GHR: variants seen among roughly 807,000 people sequenced by gnomAD.
GHR encodes growth hormone receptor.
Under a neutral mutation model 67.1 loss-of-function variants are expected in GHR, and 35 were observed. The observed-to-expected ratio is 0.52, with a 90% CI of 0.40 to 0.69. The LOEUF is 0.69. Ranked by LOEUF, GHR falls within the 30% of genes least tolerant of loss-of-function variation. The pLI, the probability that GHR is intolerant of heterozygous loss-of-function variation, is 0.00. For missense variants in GHR, 792 were observed against 764.6 expected (o/e 1.04, Z -0.42); for synonymous variants, 272 against 269.1 (o/e 1.01, Z -0.10).
At chr5:42,596,957 A>G (rs898463431) in intron 2 of GHR, among the ~76,000 whole-genome samples, 1 of 152,218 alleles carries the variant, frequency 6.6e-6, no homozygotes, top group Non-Finnish European at 1.5e-5. Context: ...GAGGCTAGCC[A>G]GTGACATCAC....
rs33916966 is a variant in GHR at position 42,695,515 on chromosome 5, G to C, written c.439+426G>C. Reference sequence around the variant, plus strand: ...CTACCATTGCTGTAATCAAAGCCTAGATTTTCTTTATCACAAAGCATAATC... The same window carrying C: ...CTACCATTGCTGTAATCAAAGCCTACATTTTCTTTATCACAAAGCATAATC... On this transcript the variant is annotated intron_variant, in intron 5 of 9. Transcript: ENST00000230882. Among the ~76,000 whole-genome samples, 319 of 152,226 alleles carry C rather than the reference G, an allele frequency of 2.1e-3. 2 individuals carry two copies. Among genetic ancestry groups the C allele is most frequent in the African/African-American group, 7.3e-3 (302 of 41,526 alleles).
At chr5:42,560,175 A>G (rs1476400649) in intron 1 of GHR, among the ~76,000 whole-genome samples, 2 of 152,142 alleles carry the variant, frequency 1.3e-5, no homozygotes, top group Non-Finnish European at 2.9e-5. Flanking sequence ...TGAGCATATT[A>G]TTCCCTGTGT....
intron 1 of GHR, among the ~76,000 whole-genome samples, chr5:42,431,974 T>C (rs552412759): frequency 6.6e-6 from 1 of 152,318 alleles, no homozygotes; most frequent in African/African-American, 2.4e-5. Flanking sequence ...AATTCCCTGA[T>C]AGGGAACTGG....
In GHR at chr5:42,671,363, C is replaced by A. The variant is rs893169093; in HGVS notation, c.137-17527C>A. On this transcript the variant is annotated intron_variant, in intron 3 of 9. Coordinates refer to ENST00000230882, the MANE Select transcript of GHR (RefSeq NM_000163.5). ...TCTCACAAGTACTCACTCACTACTGCAAGGACAGCACCAAGCCATAAGGGC... is the reference window on the plus strand; with the variant it reads ...TCTCACAAGTACTCACTCACTACTGAAAGGACAGCACCAAGCCATAAGGGC... Among the ~76,000 whole-genome samples the A allele has an allele frequency of 1.6e-4, 24 of 152,000 alleles. 1 individual carries two copies. Among genetic ancestry groups the A allele is most frequent in the African/African-American group, 5.8e-4 (24 of 41,378 alleles).
intron 8 of GHR, chr5:42,715,160 C>CTTTATTGTTTAGT (rs1758659204): frequency 3.6e-6 from 1 of 279,256 alleles, no homozygotes; most frequent in Non-Finnish European, 7.5e-6. Flanking sequence ...TTATTGTTCT[C>CTTTATTGTTTAGT]CCAAATTTCC....
chr5:42,559,307 G>A (rs912204042), intron 1 of GHR, among the ~76,000 whole-genome samples: 6 of 152,120 alleles, frequency 3.9e-5, no homozygotes, highest in East Asian at 3.9e-4. Context: ...TTGGGAGGCC[G>A]AGACGGAAGG....
intron 2 of GHR, among the ~76,000 whole-genome samples, chr5:42,583,361 T>C (rs975915913): frequency 1.4e-5 from 2 of 143,304 alleles, no homozygotes; most frequent in Non-Finnish European, 3.0e-5. Context: ...ACTAGGCCCT[T>C]GCACCCCCAT....
At chr5:42,541,714 T>C (rs1748526971) in intron 1 of GHR, among the ~76,000 whole-genome samples, 1 of 152,096 alleles carries the variant, frequency 6.6e-6, no homozygotes, top group Non-Finnish European at 1.5e-5. Context: ...GAGATAAAGA[T>C]GGAGATGGTA....
At chr5:42,449,059 A>G (rs1381485463) in intron 1 of GHR, among the ~76,000 whole-genome samples, 1 of 152,158 alleles carries the variant, frequency 6.6e-6, no homozygotes, top group Non-Finnish European at 1.5e-5. Context: ...GTTTGAAATC[A>G]GGTAGTGTGA....
chr5:42,689,423 C>T (rs1757315891), intron 4 of GHR, among the ~76,000 whole-genome samples: 1 of 152,054 alleles, frequency 6.6e-6, no homozygotes, highest in African/African-American at 2.4e-5. Context: ...TGAGTGAGAG[C>T]ATGTATGGAT....
At chr5:42,687,322 T>C (rs1474982802) in intron 3 of GHR, among the ~76,000 whole-genome samples, 1 of 152,180 alleles carries the variant, frequency 6.6e-6, no homozygotes, top group African/African-American at 2.4e-5. Flanking sequence ...AAAAACTACT[T>C]TAGATTTCAT....
chr5:42,575,157 A>G (rs187525901), intron 2 of GHR, among the ~76,000 whole-genome samples: 1 of 152,188 alleles, frequency 6.6e-6, no homozygotes, highest in East Asian at 1.9e-4. Flanking sequence ...CTGGGAGGAG[A>G]AGCTGGTCCT....
intron 6 of GHR, among the ~76,000 whole-genome samples, chr5:42,704,819 T>C (rs1758097192): frequency 6.6e-6 from 1 of 152,072 alleles, no homozygotes; most frequent in Non-Finnish European, 1.5e-5. Flanking sequence ...CAGAATGGTC[T>C]CTTATGAACA....
chr5:42,557,995 G>C (rs1193149780), intron 1 of GHR, among the ~76,000 whole-genome samples: 1 of 152,144 alleles, frequency 6.6e-6, no homozygotes, highest in African/African-American at 2.4e-5. Flanking sequence ...ATTAATGTTG[G>C]TAGCTTAAAA....
At chr5:42,665,697 G>A (rs1356595367) in intron 3 of GHR, among the ~76,000 whole-genome samples, 1 of 151,664 alleles carries the variant, frequency 6.6e-6, no homozygotes, top group Non-Finnish European at 1.5e-5. Context: ...GTATACACAT[G>A]TGACTAACCT....
At chr5:42,551,416 T>A (rs1009481182) in intron 1 of GHR, among the ~76,000 whole-genome samples, 3 of 152,168 alleles carry the variant, frequency 2.0e-5, no homozygotes, top group African/African-American at 4.8e-5. Flanking sequence ...AGTCCTGATT[T>A]GTCTAACAGT....
At chr5:42,524,001 C>G (rs1747590405) in intron 1 of GHR, among the ~76,000 whole-genome samples, 1 of 152,178 alleles carries the variant, frequency 6.6e-6, no homozygotes, top group Admixed American at 6.5e-5. Flanking sequence ...ACTGTAAGTC[C>G]CATTAAAGCT....
intron 3 of GHR, among the ~76,000 whole-genome samples, chr5:42,681,157 C>A (rs1476672293): frequency 1.3e-5 from 2 of 151,930 alleles, no homozygotes; most frequent in South Asian, 2.1e-4. Flanking sequence ...AAGAAACTAC[C>A]AGCAGAGTGA....
intron 2 of GHR, among the ~76,000 whole-genome samples, chr5:42,594,595 C>T (rs1751968649): frequency 6.6e-6 from 1 of 152,190 alleles, no homozygotes; most frequent in South Asian, 2.1e-4. Context: ...TGTGGACTCT[C>T]TTTAGAATGA....
Sources: allele counts gnomAD v4.1 joint callset (sites outside exome capture counted in the v4.1 genomes callset), GRCh38; gene constraint gnomAD v4.1.1; transcripts MANE v1.5; gene names NCBI Gene and HGNC (gene_info 2026-07-23, HGNC 2026-07-21).